The following CHST9 variants were observed in gnomAD, a reference collection of about 807,000 sequenced individuals.
CHST9 encodes the protein carbohydrate sulfotransferase 9.
CHST9 carries 41 observed loss-of-function variants against 44.4 expected under a neutral mutation model. The ratio of observed to expected loss-of-function variants is 0.92; its 90% CI spans 0.72 to 1.20. CHST9 has a LOEUF of 1.20. CHST9 is among the 50% of genes most tolerant of loss of function. The pLI is 0.00. For missense variants in CHST9, 504 were observed against 516.5 expected, an observed-to-expected ratio of 0.98 and a Z score of 0.23; for synonymous variants, 171 against 178.4, an observed-to-expected ratio of 0.96 and a Z score of 0.33.
intron 2 of CHST9, among the ~76,000 whole-genome samples, chr18:27,142,273 G>T (rs914837717): frequency 5.9e-5 from 9 of 152,178 alleles, no homozygotes; most frequent in Admixed American, 2.0e-4. Flanking sequence ...GGTATTAAAT[G>T]ATATTTATAC....
At chr18:26,930,192 GTGCTACCATGTGT>G (rs1393522819) in intron 5 of CHST9, among the ~76,000 whole-genome samples, 2 of 152,314 alleles carry the variant, frequency 1.3e-5, no homozygotes, top group East Asian at 3.9e-4. Flanking sequence ...TCACACTCTG[GTGCTACCATGTGT>G]TACCTGGGCC....
intron 1 of CHST9, among the ~76,000 whole-genome samples, chr18:27,158,258 C>T (rs545223183): frequency 6.6e-6 from 1 of 151,978 alleles, no homozygotes; most frequent in South Asian, 2.1e-4. Context: ...TCCCCCTTCC[C>T]CCCACCCCAC....
At chr18:26,921,125 G>C (rs1376363199) in intron 5 of CHST9, among the ~76,000 whole-genome samples, 1 of 152,178 alleles carries the variant, frequency 6.6e-6, no homozygotes, top group Non-Finnish European at 1.5e-5. Context: ...CATCCTATCT[G>C]GGGGAGAAAG....
rs17703902 is a variant in CHST9, at chr18:27,048,523, A to G, written c.122-20T>C. 49,197 of 1,594,514 alleles carry G rather than the reference A, an allele frequency of 0.031. 1,108 individuals are homozygous for G. Among genetic ancestry groups the G allele is most frequent in the Admixed American group, 0.095 (5,481 of 57,900 alleles). ...CTCTCCCTGAAATGAGAAGTGGAAG[A>G]TAAGTTACAGCATGGAGTCATGAGA... On this transcript the variant is annotated intron_variant, in intron 2 of 5. Transcript: ENST00000618847.
At chr18:27,039,979 G>A (rs568603224) in intron 3 of CHST9, among the ~76,000 whole-genome samples, 13 of 152,218 alleles carry the variant, frequency 8.5e-5, no homozygotes, top group African/African-American at 2.6e-4. Context: ...AGAACTATTC[G>A]TTTTCAGAGA....
chr18:26,951,466 C>T (rs1390885082), intron 4 of CHST9, among the ~76,000 whole-genome samples: 1 of 152,098 alleles, frequency 6.6e-6, no homozygotes, highest in Non-Finnish European at 1.5e-5. Flanking sequence ...AAAATGCCAA[C>T]ACACAGGAAA....
chr18:26,980,798 C>T (rs1309137831), intron 4 of CHST9, among the ~76,000 whole-genome samples: 1 of 152,070 alleles, frequency 6.6e-6, no homozygotes. Flanking sequence ...TTACCAAGGG[C>T]AGAAAATGAG....
At chr18:27,160,183 G>C (rs925035622) in intron 1 of CHST9, among the ~76,000 whole-genome samples, 10 of 152,152 alleles carry the variant, frequency 6.6e-5, no homozygotes, top group Admixed American at 6.5e-4. Context: ...TCCCTGTCTT[G>C]TGCCAGTTTT....
chr18:27,149,226 T>C (rs974546391), intron 1 of CHST9, among the ~76,000 whole-genome samples: 4 of 147,366 alleles, frequency 2.7e-5, no homozygotes, highest in Non-Finnish European at 4.5e-5. Context: ...ACTCTGATGG[T>C]AGTTTCTTTT....
intron 3 of CHST9, among the ~76,000 whole-genome samples, chr18:27,039,000 T>C (rs2057418032): frequency 6.6e-6 from 1 of 152,180 alleles, no homozygotes; most frequent in African/African-American, 2.4e-5. Context: ...TTATTGGATA[T>C]TGCTGATCCA....
chr18:27,002,223 C>T (rs947823534), intron 4 of CHST9, among the ~76,000 whole-genome samples: 4 of 148,172 alleles, frequency 2.7e-5, no homozygotes, highest in Non-Finnish European at 5.9e-5. Flanking sequence ...CCTGCACCAT[C>T]CTTAATTTTT....
At chr18:27,004,737 C>G (rs983642986) in intron 4 of CHST9, among the ~76,000 whole-genome samples, 1 of 152,142 alleles carries the variant, frequency 6.6e-6, no homozygotes, top group Non-Finnish European at 1.5e-5. Context: ...AACAATCCAA[C>G]TTTCGATCAA....
chr18:27,126,085 T>C (rs191282479), intron 2 of CHST9, among the ~76,000 whole-genome samples: 1 of 152,362 alleles, frequency 6.6e-6, no homozygotes, highest in Admixed American at 6.5e-5. Flanking sequence ...TGCAGAAGCA[T>C]GTTGCTCTGA....
chr18:27,005,224 C>A (rs1271383765), intron 4 of CHST9, among the ~76,000 whole-genome samples: 4 of 152,138 alleles, frequency 2.6e-5, no homozygotes, highest in Admixed American at 6.5e-5. Flanking sequence ...AATACTACTA[C>A]TAATAATAAA....
intron 3 of CHST9, among the ~76,000 whole-genome samples, chr18:27,029,175 G>A (rs2057314612): frequency 6.6e-6 from 1 of 152,066 alleles, no homozygotes; most frequent in Non-Finnish European, 1.5e-5. Context: ...AAAGAAGATA[G>A]AAGAAACCAC....
At chr18:27,138,437 C>A (rs2058535369) in intron 2 of CHST9, among the ~76,000 whole-genome samples, 1 of 152,138 alleles carries the variant, frequency 6.6e-6, no homozygotes, top group Non-Finnish European at 1.5e-5. Flanking sequence ...CATTAGGAAC[C>A]AGAATGGCTC....
intron 2 of CHST9, among the ~76,000 whole-genome samples, chr18:27,088,473 C>T (rs1250928677): frequency 6.6e-6 from 1 of 151,424 alleles, no homozygotes; most frequent in East Asian, 2.0e-4. Flanking sequence ...CGGCTCACTG[C>T]AACCTCTGCT....
chr18:26,936,465 T>C (rs1317205251), intron 5 of CHST9: 1 of 152,096 alleles, frequency 6.6e-6, no homozygotes, highest in African/African-American at 2.4e-5. Context: ...TGATGACAAG[T>C]GGGCTCTGTG....
At chr18:26,961,670 C>T (rs1306082219) in intron 4 of CHST9, among the ~76,000 whole-genome samples, 1 of 152,170 alleles carries the variant, frequency 6.6e-6, no homozygotes, top group African/African-American at 2.4e-5. Context: ...TCAATCGATC[C>T]TCTTGCCTTG....
Sources: allele counts gnomAD v4.1 joint callset (sites outside exome capture counted in the v4.1 genomes callset), GRCh38; gene constraint gnomAD v4.1.1; transcripts MANE v1.5; gene names NCBI Gene and HGNC (gene_info 2026-07-23, HGNC 2026-07-21).